MAGI2: variants seen among roughly 807,000 people sequenced by gnomAD.
The protein encoded by MAGI2 is membrane-associated guanylate kinase, WW and PDZ domain-containing protein 2.
Under a neutral mutation model 133.3 loss-of-function variants are expected in MAGI2, and 35 were observed. The observed-to-expected ratio is 0.26, with a 90% CI of 0.20 to 0.35. MAGI2 has a LOEUF of 0.35. MAGI2 is among the 10% of genes least tolerant of loss of function. The pLI, the probability that MAGI2 is intolerant of heterozygous loss-of-function variation, is 1.00. For synonymous variants in MAGI2, 729 were observed against 710.6 expected, an observed-to-expected ratio of 1.03 and a Z score of -0.41; for missense variants, 1,636 against 1,863.4, an observed-to-expected ratio of 0.88 and a Z score of 2.25.
chr7:78,823,885 C>T (rs539762619), intron 2 of MAGI2, among the ~76,000 whole-genome samples: 2 of 151,396 alleles, frequency 1.3e-5, no homozygotes, highest in South Asian at 4.1e-4. Flanking sequence ...ATTATCTTCT[C>T]ATTATCTTCT....
chr7:78,507,647 G>T (rs924364724), intron 4 of MAGI2, among the ~76,000 whole-genome samples: 3 of 152,152 alleles, frequency 2.0e-5, no homozygotes, highest in Non-Finnish European at 2.9e-5. Flanking sequence ...GATACTCAAT[G>T]ACATAAAATA....
intron 1 of MAGI2, among the ~76,000 whole-genome samples, chr7:79,062,460 C>A (rs1813850066): frequency 2.6e-5 from 4 of 152,094 alleles, no homozygotes; most frequent in Non-Finnish European, 4.4e-5. Flanking sequence ...CTGGCTCCTC[C>A]CTGTCATCCT....
intron 2 of MAGI2, among the ~76,000 whole-genome samples, chr7:78,710,368 T>C (rs1819064577): frequency 6.6e-6 from 1 of 152,186 alleles, no homozygotes; most frequent in South Asian, 2.1e-4. Context: ...GCATAGGTGG[T>C]GCAAAGAACC....
chr7:78,169,533 T>C (rs1190268701), intron 14 of MAGI2, among the ~76,000 whole-genome samples: 1 of 113,878 alleles, frequency 8.8e-6, no homozygotes, highest in Non-Finnish European at 1.9e-5. Context: ...TAGCCAGATC[T>C]GAACACCCAG....
intron 1 of MAGI2, among the ~76,000 whole-genome samples, chr7:79,139,267 G>C (rs1821897275): frequency 6.6e-6 from 1 of 152,118 alleles, no homozygotes; most frequent in Non-Finnish European, 1.5e-5. Flanking sequence ...TTACCTAAAA[G>C]GGTTAATCTA....
In MAGI2 at chr7:79,071,432, A is replaced by G. The variant is rs111893866; in HGVS notation, c.302-64226T>C. On this transcript the variant is annotated intron_variant, in intron 1 of 21. Coordinates refer to ENST00000354212, the MANE Select transcript of MAGI2 (RefSeq NM_012301.4). ...TAGTCAGGATACACGGGGGTCAGGG[A>G]CCCACTTGAGGAAGCAGCCTGTCCC... 4.1e-3 allele frequency among the ~76,000 whole-genome samples: 624 copies of G among 152,138 alleles called. 8 individuals carry two copies. Among genetic ancestry groups the G allele is most frequent in the African/African-American group, 0.014 (586 of 41,510 alleles).
chr7:78,466,734 G>A (rs143943310), intron 6 of MAGI2, among the ~76,000 whole-genome samples: 184 of 152,212 alleles, frequency 1.2e-3, no homozygotes, highest in Middle Eastern at 6.8e-3. Flanking sequence ...GTGTTCTGCA[G>A]GTATTAACTC....
intron 2 of MAGI2, among the ~76,000 whole-genome samples, chr7:78,695,821 G>A (rs1817453019): frequency 6.6e-6 from 1 of 152,134 alleles, no homozygotes; most frequent in Admixed American, 6.5e-5. Context: ...AGCCCAGTGG[G>A]CTTGTTTCTG....
intron 3 of MAGI2, among the ~76,000 whole-genome samples, chr7:78,525,564 C>T (rs1421158101): frequency 2.6e-5 from 4 of 152,214 alleles, no homozygotes; most frequent in South Asian, 2.1e-4. Flanking sequence ...GATGAAGTGC[C>T]TATATGCATA....
chr7:78,311,106 G>A (rs540074415), intron 9 of MAGI2, among the ~76,000 whole-genome samples: 3 of 152,312 alleles, frequency 2.0e-5, no homozygotes, highest in Admixed American at 2.0e-4. Flanking sequence ...AGAAACCAAA[G>A]AGCTGCCAAA....
intron 2 of MAGI2, among the ~76,000 whole-genome samples, chr7:78,880,382 C>A (rs1028449280): frequency 6.6e-6 from 1 of 152,120 alleles, no homozygotes; most frequent in Non-Finnish European, 1.5e-5. Context: ...GACTTCTCAG[C>A]AGAAACCTGA....
chr7:78,327,481 C>T (rs1248587484), intron 9 of MAGI2, among the ~76,000 whole-genome samples: 4 of 152,138 alleles, frequency 2.6e-5, no homozygotes, highest in Non-Finnish European at 5.9e-5. Context: ...TTCTTTTTCA[C>T]GCAGATGGTT....
intron 3 of MAGI2, among the ~76,000 whole-genome samples, chr7:78,587,584 A>G (rs1297847326): frequency 1.3e-5 from 2 of 152,240 alleles, no homozygotes; most frequent in Non-Finnish European, 2.9e-5. Context: ...ACAAAATTTA[A>G]TCACTTTATA....
chr7:78,840,254 G>C lies in MAGI2; in HGVS notation c.418+166836C>G, dbSNP rs185753452. ...CTAAATGGTCCTACATATTTGTGCTGTTTTGGAACTTTAGTTAGTTAAATC... is the reference window on the plus strand; with the variant it reads ...CTAAATGGTCCTACATATTTGTGCTCTTTTGGAACTTTAGTTAGTTAAATC... On this transcript the variant is annotated intron_variant, in intron 2 of 21. Coordinates refer to ENST00000354212, the MANE Select transcript of MAGI2 (RefSeq NM_012301.4). Among the ~76,000 whole-genome samples, 14 of 152,138 alleles carry C rather than the reference G, an allele frequency of 9.2e-5. No individual in the cohort carries two copies. In the East Asian group the frequency reaches 1.7e-3, roughly 19 times the overall value.
Position 79,056,470 on chromosome 7 carries a change from A to G in MAGI2, c.302-49264T>C, listed in dbSNP as rs563521945. ...ATTTAGACAACCCAAAATGGTCATA[A>G]TGAAAAAAAGACTTCTTAAAAATAT... On this transcript the variant is annotated intron_variant, in intron 1 of 21. Coordinates refer to ENST00000354212, the MANE Select transcript of MAGI2 (RefSeq NM_012301.4). Among the ~76,000 whole-genome samples the G allele has an allele frequency of 3.9e-5, 6 of 152,336 alleles. No individual in the cohort carries two copies. In the East Asian group the frequency reaches 9.7e-4, roughly 25 times the overall value.
intron 1 of MAGI2, among the ~76,000 whole-genome samples, chr7:79,276,914 G>A (rs954975988): frequency 6.6e-6 from 1 of 151,848 alleles, no homozygotes; most frequent in Non-Finnish European, 1.5e-5. Flanking sequence ...CAGTGAGCTG[G>A]GATTGCACAC....
chr7:78,797,810 A>T (rs533729470), intron 2 of MAGI2, among the ~76,000 whole-genome samples: 46 of 152,278 alleles, frequency 3.0e-4, no homozygotes, highest in African/African-American at 8.7e-4. Context: ...GTGGTCAGGC[A>T]AAACTAGAAC....
At chr7:78,889,665 G>A (rs1173593441) in intron 2 of MAGI2, among the ~76,000 whole-genome samples, 1 of 152,144 alleles carries the variant, frequency 6.6e-6, no homozygotes, top group Non-Finnish European at 1.5e-5. Flanking sequence ...ATACTTTACA[G>A]ACAAGCAAAT....
At chr7:78,331,027 G>T (rs544164767) in intron 9 of MAGI2, among the ~76,000 whole-genome samples, 2 of 152,254 alleles carry the variant, frequency 1.3e-5, no homozygotes, top group African/African-American at 4.8e-5. Flanking sequence ...ATACTATGCA[G>T]CCATAAAAAA....
Sources: allele counts gnomAD v4.1 joint callset (sites outside exome capture counted in the v4.1 genomes callset), GRCh38; gene constraint gnomAD v4.1.1; transcripts MANE v1.5; gene names NCBI Gene and HGNC (gene_info 2026-07-23, HGNC 2026-07-21).